Variants in LARP1B observed in about 807,000 individuals in gnomAD.
The protein encoded by LARP1B is la-related protein 1B.
In LARP1B, 76 loss-of-function variants were observed where a neutral mutation model predicts 114.2. That is an observed-to-expected ratio of 0.67 (90% CI 0.55 to 0.81). LARP1B has a LOEUF of 0.81. Ranked by LOEUF, LARP1B falls within the 30% of genes least tolerant of loss-of-function variation. LARP1B has a pLI of 0.00. For synonymous variants in LARP1B, 345 were observed against 348.0 expected (o/e 0.99, Z 0.10); for missense variants, 1,014 against 1,075.8 (o/e 0.94, Z 0.80).
At chr4:128,159,421 A>G (rs1737372011) in intron 11 of LARP1B, among the ~76,000 whole-genome samples, 1 of 152,000 alleles carries the variant, frequency 6.6e-6, no homozygotes, top group Non-Finnish European at 1.5e-5. Flanking sequence ...GGCAACCACT[A>G]ATCTGTTCTT....
intron 11 of LARP1B, among the ~76,000 whole-genome samples, chr4:128,158,834 A>G (rs1737026844): frequency 6.6e-6 from 1 of 152,106 alleles, no homozygotes; most frequent in Non-Finnish European, 1.5e-5. Context: ...ACTTCCCTTC[A>G]AAAGTCACAT....
chr4:128,082,148 A>C lies in LARP1B; in HGVS notation c.218-17A>C. The C allele has an allele frequency of 6.2e-7, 1 of 1,605,284 alleles. No individual in the cohort carries two copies. The highest frequency in any genetic ancestry group is 8.5e-7 in the Non-Finnish European group (1 of 1,177,346). ...AAAATTGTACATTTGTCCTTAAATG[A>C]TTTTGTTTTCTTCAAGCTAATAAGC... is the stretch of plus-strand genomic sequence containing the variant. On this transcript the variant is annotated splice_polypyrimidine_tract_variant and intron_variant, in intron 4 of 19. Coordinates refer to ENST00000326639, the MANE Select transcript of LARP1B (RefSeq NM_018078.4).
chr4:128,126,113 CTTTTTTTTT>C (rs76050129), intron 11 of LARP1B, among the ~76,000 whole-genome samples: 1 of 136,032 alleles, frequency 7.4e-6, no homozygotes, highest in African/African-American at 3.0e-5. Flanking sequence ...TTAAAATAAT[CTTTTTTTTT>C]TTTTTTTTTT....
intron 11 of LARP1B, among the ~76,000 whole-genome samples, chr4:128,143,532 C>CTAAA: frequency 6.6e-6 from 1 of 151,896 alleles, no homozygotes; most frequent in South Asian, 2.1e-4. Context: ...GTGGGTGGAG[C>CTAAA]TAATTAAACT....
chr4:128,155,727 G>A, intron 11 of LARP1B: 12 of 1,608,446 alleles, frequency 7.5e-6, no homozygotes, highest in Non-Finnish European at 9.3e-6. Context: ...TAAGGCCCGA[G>A]CGGAACAAGC....
In LARP1B at chr4:128,107,166, A is replaced by T; in HGVS notation, c.841A>T (p.Ile281Phe). Residue 281 changes from isoleucine to phenylalanine, a missense_variant, in exon 9 of 20, where the codon ATT becomes TTT. Physicochemically the swap from Ile to Phe is conservative, Grantham distance 21. Transcript: ENST00000326639. ...ACTGAAGGATAGCACAGAAGTAGAA[A>T]TTGTGGATGAGAAAATGAGAAAAAA... ...EALKDSTEVE[I>F]VDEKMRKKIE... is the part of the protein sequence containing the mutation. 6.2e-7 allele frequency: 1 copy of T among 1,614,140 alleles called. No individual in the cohort carries two copies. The highest frequency in any genetic ancestry group is 8.5e-7 in the Non-Finnish European group (1 of 1,180,004).
At position 128,200,505 on chromosome 4, in the gene LARP1B, ATT is replaced by A; in HGVS notation, c.2165-14_2165-13del. 7.2e-7 allele frequency: 1 copy of A among 1,387,104 alleles called. No homozygotes were observed. The allele number at this position is 1,387,104 out of a possible 1,614,324, so 85.9% of individuals were successfully genotyped here. A position where few individuals can be genotyped will look rare whatever the true frequency, so the allele number is the denominator to read the frequency against. ...AGTATGTTTAATAAAATAATATTTT[ATT>A]TAACTTTTTTCAGAGAGAAAACGCT... On this transcript the variant is annotated splice_polypyrimidine_tract_variant and intron_variant, in intron 16 of 19. Coordinates refer to ENST00000326639, the MANE Select transcript of LARP1B (RefSeq NM_018078.4).
At chr4:128,108,642 ATT>A (rs1374451631) in intron 9 of LARP1B, 16 of 985,150 alleles carry the variant, frequency 1.6e-5, no homozygotes, top group Non-Finnish European at 1.9e-5. Context: ...AAGTGACATT[ATT>A]TTAGCTAGTG....
At position 128,127,007 on chromosome 4, in the gene LARP1B, C is replaced by T. The variant is rs570713350; in HGVS notation, c.1524+4819C>T. ...GTTTAGCCAGAAAAAAAAGAGATTA[C>T]TTTCAAGAAAGAAGAATCATTAGAC... On this transcript the variant is annotated intron_variant, in intron 11 of 19. Transcript: ENST00000326639. 2.6e-5 allele frequency among the ~76,000 whole-genome samples: 4 copies of T among 152,184 alleles called. No individual in the cohort carries two copies. The South Asian group carries it at 8.3e-4, about 32-fold the overall frequency.
intron 9 of LARP1B, among the ~76,000 whole-genome samples, chr4:128,109,969 T>A (rs992269218): frequency 1.4e-4 from 21 of 152,174 alleles, no homozygotes; most frequent in African/African-American, 4.6e-4. Context: ...AGTGGCGCAG[T>A]CTCGGCTCAC....
At chr4:128,175,463 G>A (rs1745479542) in intron 12 of LARP1B, among the ~76,000 whole-genome samples, 1 of 152,076 alleles carries the variant, frequency 6.6e-6, no homozygotes, top group Admixed American at 6.6e-5. Flanking sequence ...CAGTAGAATT[G>A]CAAAATGGTT....
chr4:128,157,083 G>C lies in LARP1B; in HGVS notation c.1525-5111G>C, dbSNP rs560873310. 2.0e-5 allele frequency among the ~76,000 whole-genome samples: 3 copies of C among 151,980 alleles called. No homozygotes were observed. The South Asian group carries it at 6.2e-4, about 32-fold the overall frequency. On this transcript the variant is annotated intron_variant, in intron 11 of 19. Coordinates refer to ENST00000326639, the MANE Select transcript of LARP1B (RefSeq NM_018078.4). ...AAAGAAACAACAGGAAATAGAAACA[G>C]ACCCCTAGTGATCCAGAAAATAGAG...
chr4:128,107,615 T>G, intron 9 of LARP1B: 11 of 1,399,538 alleles, frequency 7.9e-6, no homozygotes, highest in Non-Finnish European at 1.0e-5. Flanking sequence ...TGTATCGTTT[T>G]CCCCTGTAAA....
chr4:128,137,899 G>A (rs1282728956), intron 11 of LARP1B, among the ~76,000 whole-genome samples: 2 of 151,738 alleles, frequency 1.3e-5, no homozygotes, highest in African/African-American at 4.8e-5. Context: ...GGCTCAAGCA[G>A]TGCTTCAGCC....
In LARP1B at chr4:128,166,974, AT is replaced by A. The variant is rs1741267827; in HGVS notation, c.1648+4658del. Among the ~76,000 whole-genome samples, 3 of 94,724 alleles carry A rather than the reference AT, an allele frequency of 3.2e-5. No individual in the cohort carries two copies. In the East Asian group the frequency reaches 9.7e-4, roughly 31 times the overall value. 62.1% of individuals were successfully genotyped at this position (94,724 alleles called of 152,430 possible). ...TCTCTCTCTCTCTCTCTCTCTCTAT[AT>A]ATATATATATATATATATACACACA... On this transcript the variant is annotated intron_variant, in intron 12 of 19. Coordinates refer to ENST00000326639, the MANE Select transcript of LARP1B (RefSeq NM_018078.4).
intron 7 of LARP1B, among the ~76,000 whole-genome samples, chr4:128,097,950 G>A (rs1403962721): frequency 6.6e-6 from 1 of 152,084 alleles, no homozygotes; most frequent in Non-Finnish European, 1.5e-5. Context: ...GATCTAAATA[G>A]AAGTTATTAA....
In LARP1B at chr4:128,187,218, A is replaced by G. The variant is rs150972731; in HGVS notation, c.2003+7706A>G. ...CTCCAGACCCCAGAATGGTAGATCC[A>G]CTAGCAGCCTGCATCCTCAGCCTCG... is the stretch of plus-strand genomic sequence containing the variant. On this transcript the variant is annotated intron_variant, in intron 15 of 19. Coordinates refer to ENST00000326639, the MANE Select transcript of LARP1B (RefSeq NM_018078.4). Among the ~76,000 whole-genome samples, 10 of 152,314 alleles carry G rather than the reference A, an allele frequency of 6.6e-5. No homozygotes were observed. In the East Asian group the frequency reaches 1.9e-3, roughly 29 times the overall value.
At chr4:128,067,937 G>A (rs1162778191) in intron 1 of LARP1B, among the ~76,000 whole-genome samples, 4 of 152,026 alleles carry the variant, frequency 2.6e-5, no homozygotes, top group African/African-American at 9.7e-5. Flanking sequence ...CTGGACTGCA[G>A]TGGCACAATC....
chr4:128,173,870 T>C (rs1744849685), intron 12 of LARP1B, among the ~76,000 whole-genome samples: 1 of 152,206 alleles, frequency 6.6e-6, no homozygotes, highest in African/African-American at 2.4e-5. Flanking sequence ...AGTCCGGTTT[T>C]AGAACAATTC....
Sources: gnomAD v4.1 joint callset for allele counts (sites outside exome capture counted in the v4.1 genomes callset) on GRCh38, gnomAD v4.1.1 for gene constraint, MANE v1.5 for transcripts, NCBI Gene and HGNC (gene_info 2026-07-23, HGNC 2026-07-21) for gene names.